The following CLASP1 variants were observed in gnomAD, a reference collection of about 807,000 sequenced individuals.
CLASP1 encodes cytoplasmic linker associated protein 1, also known as CLIP-associating protein 1.
CLASP1 carries 38 observed loss-of-function variants against 192.3 expected under a neutral mutation model. The observed-to-expected ratio is 0.20, with a 90% confidence interval of 0.15 to 0.26. The LOEUF is 0.26. Ranked by LOEUF, CLASP1 falls within the 10% of genes least tolerant of loss-of-function variation. The probability of loss-of-function intolerance (pLI) is 1.00; values close to 1 mark genes in which losing one functional copy is unlikely to be tolerated. For missense variants in CLASP1, 1,433 were observed against 1,932.5 expected, an observed-to-expected ratio of 0.74 and a Z score of 4.85; for synonymous variants, 691 against 712.8, an observed-to-expected ratio of 0.97 and a Z score of 0.49.
At chr2:121,539,327 G>A (rs2095174291) in intron 2 of CLASP1, among the ~76,000 whole-genome samples, 1 of 152,130 alleles carries the variant, frequency 6.6e-6, no homozygotes. Flanking sequence ...CCAACAGACA[G>A]GATAAAGAAA....
chr2:121,616,184 C>T (rs569683659), intron 1 of CLASP1, among the ~76,000 whole-genome samples: 64 of 152,246 alleles, frequency 4.2e-4, no homozygotes, highest in African/African-American at 1.4e-3. Context: ...CGGTCGCTCA[C>T]GCCTGTAATC....
intron 30 of CLASP1, among the ~76,000 whole-genome samples, chr2:121,393,236 G>C (rs531756295): frequency 1.1e-4 from 16 of 152,218 alleles, no homozygotes; most frequent in Non-Finnish European, 2.2e-4. Flanking sequence ...TCAGACTGAA[G>C]GGCTCTTCTG....
chr2:121,565,628 A>G (rs2059433708), intron 2 of CLASP1, among the ~76,000 whole-genome samples: 1 of 152,212 alleles, frequency 6.6e-6, no homozygotes, highest in Non-Finnish European at 1.5e-5. Context: ...ACAGGCTGTC[A>G]GAGCCCTGAG....
At chr2:121,402,736 G>T in intron 26 of CLASP1, 2 of 489,612 alleles carry the variant, frequency 4.1e-6, no homozygotes, top group Non-Finnish European at 8.1e-6. Flanking sequence ...TAAATCTTAA[G>T]AATCTAATTA....
intron 2 of CLASP1, among the ~76,000 whole-genome samples, chr2:121,578,583 C>T (rs769372183): frequency 2.6e-5 from 4 of 151,800 alleles, no homozygotes; most frequent in South Asian, 2.1e-4. Flanking sequence ...CAAAAATTAG[C>T]GGAGTGTGGT....
intron 11 of CLASP1, among the ~76,000 whole-genome samples, chr2:121,460,760 T>G (rs987869425): frequency 6.6e-6 from 1 of 152,122 alleles, no homozygotes; most frequent in Middle Eastern, 3.4e-3. Flanking sequence ...GAAAAGAATA[T>G]TGGAGACATA....
At chr2:121,478,926 C>A (rs2092260961) in intron 8 of CLASP1, among the ~76,000 whole-genome samples, 2 of 53,146 alleles carry the variant, frequency 3.8e-5, no homozygotes, top group African/African-American at 7.9e-5. Context: ...ACACACACAC[C>A]ACACAACACC....
intron 19 of CLASP1, among the ~76,000 whole-genome samples, chr2:121,440,189 T>C (rs946892837): frequency 1.3e-5 from 2 of 151,926 alleles, no homozygotes; most frequent in Admixed American, 1.3e-4. Context: ...GTTTTGAACA[T>C]TTCCTTACTT....
chr2:121,559,610 T>C (rs1385752278), intron 2 of CLASP1, among the ~76,000 whole-genome samples: 1 of 152,112 alleles, frequency 6.6e-6, no homozygotes, highest in Non-Finnish European at 1.5e-5. Context: ...TGATTCTAGT[T>C]TATGAAATAT....
chr2:121,598,463 A>G (rs1361265961), intron 2 of CLASP1, among the ~76,000 whole-genome samples: 2 of 152,250 alleles, frequency 1.3e-5, no homozygotes, highest in East Asian at 3.8e-4. Flanking sequence ...AACGATTCAT[A>G]TTAGTTGAAT....
At chr2:121,476,907 C>T (rs1289653532) in intron 8 of CLASP1, among the ~76,000 whole-genome samples, 1 of 152,178 alleles carries the variant, frequency 6.6e-6, no homozygotes, top group African/African-American at 2.4e-5. Flanking sequence ...TCATAAATAT[C>T]CCAAAATTTC....
intron 8 of CLASP1, among the ~76,000 whole-genome samples, chr2:121,475,931 T>C (rs938241794): frequency 2.0e-5 from 3 of 152,136 alleles, no homozygotes; most frequent in African/African-American, 4.8e-5. Flanking sequence ...CTTTGATTCT[T>C]TAAAAATCAC....
At chr2:121,418,764 A>T in intron 22 of CLASP1, 35 bp from the exon 23 acceptor site, 1 of 1,422,158 alleles carries the variant, frequency 7.0e-7, no homozygotes, top group Non-Finnish European at 9.9e-7. Context: ...AGAGAAGGTG[A>T]ACAAGTTTAA....
chr2:121,463,250 T>A (rs1224012006), intron 9 of CLASP1, among the ~76,000 whole-genome samples: 1 of 152,338 alleles, frequency 6.6e-6, no homozygotes, highest in East Asian at 1.9e-4. Flanking sequence ...ATCAGATTTT[T>A]TTCACATTGT....
Position 121,530,895 on chromosome 2 carries a change from G to A in CLASP1, c.196-570C>T, listed in dbSNP as rs750325275. On this transcript the variant is annotated intron_variant, in intron 2 of 39. Transcript: ENST00000263710. ...TTTCTATTATAACCATCCTTTTCTTGGGGTTGCGCTACTGTCCAATGAGCG... is the reference window on the plus strand; with the variant it reads ...TTTCTATTATAACCATCCTTTTCTTAGGGTTGCGCTACTGTCCAATGAGCG... The A allele has an allele frequency of 1.0e-4, 71 of 693,922 alleles. No individual in the cohort carries two copies. The highest frequency in any genetic ancestry group is 1.2e-4 in the Admixed American group (6 of 49,704). 43.0% of individuals were successfully genotyped at this position (693,922 alleles called of 1,614,324 possible).
chr2:121,364,379 G>T (rs1298432424), intron 36 of CLASP1: 1 of 152,314 alleles, frequency 6.6e-6, no homozygotes, highest in East Asian at 1.9e-4. Flanking sequence ...GTTTAATTCT[G>T]GTAATTCTCA....
chr2:121,543,611 TAG>T (rs1178125741), intron 2 of CLASP1, among the ~76,000 whole-genome samples: 2 of 152,158 alleles, frequency 1.3e-5, no homozygotes, highest in Non-Finnish European at 2.9e-5. Context: ...CCAAGATTCC[TAG>T]AGTCTCCCTA....
At chr2:121,605,842 C>T in exon 2 of CLASP1, 1 of 1,614,004 alleles carries the variant, frequency 6.2e-7, no homozygotes, top group Non-Finnish European at 8.5e-7. Context: ...GCAATCGTTT[C>T]CCCACATCCT....
At chr2:121,627,156 C>T (rs578204060) in intron 1 of CLASP1, among the ~76,000 whole-genome samples, 1 of 152,252 alleles carries the variant, frequency 6.6e-6, no homozygotes, top group East Asian at 1.9e-4. Flanking sequence ...AAAGAAGACA[C>T]AGCACAGCAG....
Sources: gnomAD v4.1 joint callset for allele counts (sites outside exome capture counted in the v4.1 genomes callset) on GRCh38, gnomAD v4.1.1 for gene constraint, MANE v1.5 for transcripts, NCBI Gene and HGNC (gene_info 2026-07-23, HGNC 2026-07-21) for gene names.